ZIM2: variants seen among roughly 807,000 people sequenced by gnomAD.
ZIM2 encodes the protein zinc finger protein 656.
A neutral mutation model predicts 38.6 loss-of-function variants in ZIM2; 14 were observed. That is an observed-to-expected ratio of 0.36 (90% CI 0.24 to 0.57). ZIM2 has a LOEUF of 0.57. Ranked by LOEUF, ZIM2 falls within the 20% of genes least tolerant of loss-of-function variation. The pLI is 0.81. For synonymous variants in ZIM2, 247 were observed against 245.8 expected (o/e 1.00, Z -0.04); for missense variants, 680 against 695.1 (o/e 0.98, Z 0.24).
At chr19:56,780,067 A>G (rs901956299) in intron 11 of ZIM2, among the ~76,000 whole-genome samples, 4 of 152,142 alleles carry the variant, frequency 2.6e-5, no homozygotes, top group African/African-American at 9.7e-5. Flanking sequence ...AATGTCATCT[A>G]TTTTGTAACC....
rs533808142 is a variant in ZIM2, at chr19:56,781,021, TGA to T, written c.739+930_739+931del. ...GATAGAAATGCTCCAGGTCACTGCA[TGA>T]GAGCTGGAATGATACAATTAATTTA... On this transcript the variant is annotated intron_variant, in intron 11 of 12. Transcript: ENST00000629319. Among the ~76,000 whole-genome samples, 198 of 152,320 alleles carry T rather than the reference TGA, an allele frequency of 1.3e-3. 1 individual carries two copies. The highest frequency in any genetic ancestry group is 4.6e-3 in the African/African-American group (190 of 41,586).
intron 9 of ZIM2, among the ~76,000 whole-genome samples, chr19:56,801,814 C>A (rs2047538542): frequency 6.6e-6 from 1 of 152,062 alleles, no homozygotes; most frequent in South Asian, 2.1e-4. Flanking sequence ...GTAGACCTGG[C>A]CAATAAGGTG....
intron 2 of ZIM2, among the ~76,000 whole-genome samples, chr19:56,829,913 C>T (rs555567732): frequency 6.6e-6 from 1 of 152,352 alleles, no homozygotes; most frequent in South Asian, 2.1e-4. Flanking sequence ...GCAACAGCCA[C>T]GCCTACCACT....
chr19:56,817,013 C>T (rs766819952), intron 9 of ZIM2: 2 of 1,613,982 alleles, frequency 1.2e-6, no homozygotes, highest in East Asian at 2.2e-5. Flanking sequence ...TAGAGGTTCT[C>T]TCTAGTATGC....
chr19:56,836,426 G>A (rs1015092461), intron 1 of ZIM2, among the ~76,000 whole-genome samples: 13 of 152,232 alleles, frequency 8.5e-5, no homozygotes, highest in African/African-American at 2.6e-4. Flanking sequence ...GGCGCTGGCC[G>A]TCCCCATGTT....
Position 56,811,249 on chromosome 19 carries a change from TACA to T in ZIM2, c.490+6494_490+6496del, listed in dbSNP as rs371223004. ...AGAAAATAATGCTCAACTATAAGCC[TACA>T]ACAACAACACCACAACAGCTTTTGA... On this transcript the variant is annotated intron_variant, in intron 9 of 12. Transcript: ENST00000629319. 1,572 of 954,992 alleles carry T rather than the reference TACA, an allele frequency of 1.6e-3. 9 individuals are homozygous for T. The highest frequency in any genetic ancestry group is 0.013 in the African/African-American group (757 of 56,726). 59.2% of individuals were successfully genotyped at this position (954,992 alleles called of 1,614,324 possible).
intron 8 of ZIM2, 30 bp downstream of exon 8, chr19:56,818,570 T>G (rs1404375960): frequency 1.2e-6 from 2 of 1,612,258 alleles, no homozygotes; most frequent in African/African-American, 2.7e-5. Flanking sequence ...ATGACTGGAC[T>G]GGGAGTGACT....
Position 56,793,498 on chromosome 19 carries a change from TAC to T in ZIM2, c.491-3549_491-3548del, listed in dbSNP as rs1600762392. On this transcript the variant is annotated intron_variant, in intron 9 of 12. Coordinates refer to ENST00000629319, the MANE Select transcript of ZIM2 (RefSeq NM_001387356.1). ...AACCTCAGGACCTGCAGAAATTACATACAGACTTACAACTAGCCTGCATAGTT... is the reference window on the plus strand; with the variant it reads ...AACCTCAGGACCTGCAGAAATTACATAGACTTACAACTAGCCTGCATAGTT... 2.6e-5 allele frequency among the ~76,000 whole-genome samples: 4 copies of T among 152,284 alleles called. No individual in the cohort carries two copies. The East Asian group carries it at 7.7e-4, about 29-fold the overall frequency.
chr19:56,782,714 T>TAAAAGAA (rs2046387620), intron 10 of ZIM2, among the ~76,000 whole-genome samples: 2 of 152,190 alleles, frequency 1.3e-5, no homozygotes, highest in African/African-American at 4.8e-5. Flanking sequence ...AATTCTTTTT[T>TAAAAGAA]TAATTTTTAA....
At chr19:56,776,360 G>A (rs1446485849) in intron 12 of ZIM2, among the ~76,000 whole-genome samples, 1 of 152,176 alleles carries the variant, frequency 6.6e-6, no homozygotes, top group Non-Finnish European at 1.5e-5. Flanking sequence ...TTTGGGAAAT[G>A]TTGTATGACA....
intron 10 of ZIM2, 140 bp from the exon 11 acceptor site, chr19:56,782,261 CTG>C: frequency 8.5e-7 from 1 of 1,172,070 alleles, no homozygotes; most frequent in Non-Finnish European, 1.2e-6. Context: ...CTTATCGAGT[CTG>C]AGAGAAGTGG....
chr19:56,838,796 A>G (rs1394998072), intron 1 of ZIM2, among the ~76,000 whole-genome samples: 1 of 152,128 alleles, frequency 6.6e-6, no homozygotes, highest in Non-Finnish European at 1.5e-5. Context: ...GGAGCGCGGC[A>G]CTCCACAGCT....
At chr19:56,837,326 C>T (rs2062262692) in intron 1 of ZIM2, among the ~76,000 whole-genome samples, 1 of 152,168 alleles carries the variant, frequency 6.6e-6, no homozygotes, top group Non-Finnish European at 1.5e-5. Context: ...CACCCGCAGC[C>T]CTGAATTTTT....
At position 56,804,460 on chromosome 19, in the gene ZIM2, C is replaced by T. The variant is rs551428466; in HGVS notation, c.490+13286G>A. On this transcript the variant is annotated intron_variant, in intron 9 of 12. Coordinates refer to ENST00000629319, the MANE Select transcript of ZIM2 (RefSeq NM_001387356.1). ...TAGCACCCACATGCTACCTGGAGACCGCAGTCTTCAGGTAAGCAATGAGTA... is the reference window on the plus strand; with the variant it reads ...TAGCACCCACATGCTACCTGGAGACTGCAGTCTTCAGGTAAGCAATGAGTA... Among the ~76,000 whole-genome samples, 6 of 152,306 alleles carry T rather than the reference C, an allele frequency of 3.9e-5. No homozygotes were observed. The South Asian group carries it at 8.3e-4, about 21-fold the overall frequency.
At chr19:56,816,476 C>G (rs1238521275) in intron 9 of ZIM2, 4 of 1,613,382 alleles carry the variant, frequency 2.5e-6, no homozygotes, top group African/African-American at 1.3e-5. Context: ...CCCTTGTTTT[C>G]AAATGGGTTC....
At chr19:56,806,727 G>A (rs1206438026) in intron 9 of ZIM2, among the ~76,000 whole-genome samples, 1 of 152,104 alleles carries the variant, frequency 6.6e-6, no homozygotes, top group African/African-American at 2.4e-5. Flanking sequence ...TAAGAGGTGG[G>A]GCCTTTAGGA....
intron 9 of ZIM2, among the ~76,000 whole-genome samples, chr19:56,809,360 AT>A (rs1171970657): frequency 6.6e-6 from 1 of 152,228 alleles, no homozygotes; most frequent in African/African-American, 2.4e-5. Context: ...ATCATGTGAC[AT>A]GAAGGATATT....
chr19:56,789,738 A>G (rs2046823979), intron 10 of ZIM2, 134 bp downstream of exon 10: 3 of 743,538 alleles, frequency 4.0e-6, no homozygotes. Context: ...GTCAGAAAAA[A>G]GGCTCAGTAA....
intron 9 of ZIM2, chr19:56,812,855 T>C: frequency 1.0e-6 from 1 of 983,582 alleles, no homozygotes; most frequent in Non-Finnish European, 1.2e-6. Flanking sequence ...ATGTGTAATA[T>C]TTTTGCATGA....
Sources: gnomAD v4.1 joint callset for allele counts (sites outside exome capture counted in the v4.1 genomes callset) on GRCh38, gnomAD v4.1.1 for gene constraint, MANE v1.5 for transcripts, NCBI Gene and HGNC (gene_info 2026-07-23, HGNC 2026-07-21) for gene names.